Variants in ADD1 observed in about 807,000 individuals in gnomAD.
The protein encoded by ADD1 is alpha-adducin.
Under a neutral mutation model 80.5 loss-of-function variants are expected in ADD1, and 24 were observed. The observed-to-expected ratio is 0.30, with a 90% CI of 0.22 to 0.42. The LOEUF is 0.42. Among genes scored for constraint, ADD1 ranks in the 10% least tolerant of loss-of-function variants. ADD1 has a pLI of 1.00. For missense variants in ADD1, 948 were observed against 1,019.0 expected, an observed-to-expected ratio of 0.93 and a Z score of 0.95; for synonymous variants, 373 against 393.8, an observed-to-expected ratio of 0.95 and a Z score of 0.63.
chr4:2,914,335 G>C (rs191088897), intron 13 of ADD1, among the ~76,000 whole-genome samples: 165 of 152,282 alleles, frequency 1.1e-3, no homozygotes, highest in African/African-American at 3.7e-3. Context: ...GCTAAACACT[G>C]GTGTCTTGGG....
At position 2,926,329 on chromosome 4, in the gene ADD1, GCCT is replaced by G. The variant is rs1172123869; in HGVS notation, c.2047+219_2047+221del. 2 of 708,440 alleles carry G rather than the reference GCCT, an allele frequency of 2.8e-6. No individual in the cohort carries two copies. Among genetic ancestry groups the G allele is most frequent in the Middle Eastern group, 4.6e-4 (2 of 4,370 alleles). 43.9% of individuals were successfully genotyped at this position (708,440 alleles called of 1,614,324 possible). A position where few individuals can be genotyped will look rare whatever the true frequency, so the allele number is the denominator to read the frequency against. On this transcript the variant is annotated intron_variant, in intron 15 of 15. Transcript: ENST00000683351. The surrounding 1 kb of genome is among the most constrained non-coding windows in gnomAD (Gnocchi z 5.0). ...GAGCTGTGACCAGGTAGGAAGGCCGGCCTCGGGGGTCGGAACCCACCATGGTTG... is the reference window on the plus strand; with the variant it reads ...GAGCTGTGACCAGGTAGGAAGGCCGGCGGGGGTCGGAACCCACCATGGTTG...
intron 6 of ADD1, among the ~76,000 whole-genome samples, chr4:2,895,481 C>T (rs186534442): frequency 6.6e-6 from 1 of 151,988 alleles, no homozygotes; most frequent in Admixed American, 6.6e-5. Flanking sequence ...AACGTGAGGA[C>T]AGTCTGTGGG....
At chr4:2,897,355 A>G (rs1303836996) in intron 6 of ADD1, among the ~76,000 whole-genome samples, 2 of 150,870 alleles carry the variant, frequency 1.3e-5, no homozygotes, top group Admixed American at 6.6e-5. Context: ...TTGAGAGTCA[A>G]TTTTACTTAA....
At chr4:2,885,823 G>C (rs541513759) in intron 4 of ADD1, among the ~76,000 whole-genome samples, 3 of 152,020 alleles carry the variant, frequency 2.0e-5, no homozygotes, top group East Asian at 1.9e-4. Flanking sequence ...TGTTAGCCAG[G>C]ATGGTCTCGA....
rs569737530 is a variant in ADD1, at chr4:2,928,417, C to T, written c.2294C>T (p.Ala765Val). The change falls in exon 16 of 16, where the codon GCG becomes GTG. Residue 765 changes from alanine to valine, a missense_variant. Physicochemically the swap from Ala to Val is moderately conservative, Grantham distance 64 (BLOSUM62 0). Transcript: ENST00000683351. ...APSAVEEGAAADPGSDGSPGK... is the reference protein window; with the variant it reads ...APSAVEEGAAVDPGSDGSPGK... ...TCAGCTGTCGAGGAGGGGGCCGCCG[C>T]GGACCCTGGCAGCGATGGGTCTCCA... 9.7e-5 allele frequency: 157 copies of T among 1,613,324 alleles called. No individual in the cohort carries two copies. The highest frequency in any genetic ancestry group is 3.5e-4 in the Admixed American group (21 of 59,906).
Position 2,852,255 on chromosome 4 carries a change from T to TTC in ADD1, c.-21+8233_-21+8234dup, listed in dbSNP as rs1322157350. ...CCTTTCTTTCTTTCTTTCTCTTTCTTTCTTTCCTTCCTTCCTTCCTTCCTT... is the reference window on the plus strand; with the variant it reads ...CCTTTCTTTCTTTCTTTCTCTTTCTTTCTCTTTCCTTCCTTCCTTCCTTCCTT... On this transcript the variant is annotated intron_variant, in intron 1 of 15. Transcript: ENST00000683351. Among the ~76,000 whole-genome samples the TTC allele has an allele frequency of 8.1e-5, 12 of 148,730 alleles. 1 individual carries two copies. The highest frequency in any genetic ancestry group is 4.0e-4 in the Admixed American group (6 of 14,920).
chr4:2,879,029 A>G (rs149263733), intron 2 of ADD1, among the ~76,000 whole-genome samples: 2,353 of 152,218 alleles, frequency 0.015, 29 homozygotes, highest in Non-Finnish European at 0.024. Flanking sequence ...AGTGCTGACC[A>G]TGGACGTGGG....
chr4:2,849,960 T>A (rs1726813718), intron 1 of ADD1, among the ~76,000 whole-genome samples: 1 of 152,188 alleles, frequency 6.6e-6, no homozygotes, highest in African/African-American at 2.4e-5. Flanking sequence ...GAAAACACTT[T>A]GAGAATGCAA....
At chr4:2,888,744 A>T (rs1733817100) in intron 4 of ADD1, among the ~76,000 whole-genome samples, 1 of 152,128 alleles carries the variant, frequency 6.6e-6, no homozygotes, top group Admixed American at 6.6e-5. Context: ...AAGAGTCCTT[A>T]AGTATTCAGC....
Position 2,926,144 on chromosome 4 carries a change from G to GGGA in ADD1, c.2047+35_2047+37dup. 1 of 1,589,120 alleles carries GGGA rather than the reference G, an allele frequency of 6.3e-7. No individual in the cohort carries two copies. Among genetic ancestry groups the GGGA allele is most frequent in the Non-Finnish European group, 8.6e-7 (1 of 1,157,778 alleles). On this transcript the variant is annotated intron_variant, in intron 15 of 15. Coordinates refer to ENST00000683351, the MANE Select transcript of ADD1 (RefSeq NM_001354761.2). This position sits in a 1 kb window ranked among gnomAD's most constrained non-coding sequence, Gnocchi z 5.0. ...TCTGGGTGGCAGCGGCCGCCACTGT[G>GGGA]GGAGGGTGCACGGCTCGTGCGCGCT... is the stretch of plus-strand genomic sequence containing the variant.
At chr4:2,927,933 G>C (rs1227367374) in intron 15 of ADD1, among the ~76,000 whole-genome samples, 1 of 152,132 alleles carries the variant, frequency 6.6e-6, no homozygotes, top group African/African-American at 2.4e-5. Flanking sequence ...GTCTGGTGTT[G>C]TCAGCACACT....
chr4:2,858,187 A>G (rs1481985282), intron 1 of ADD1, among the ~76,000 whole-genome samples: 2 of 152,224 alleles, frequency 1.3e-5, no homozygotes, highest in Non-Finnish European at 2.9e-5. Context: ...ATTAGTGTCC[A>G]TTACAGAATG....
chr4:2,855,990 TTGG>T (rs1404410248), intron 1 of ADD1, among the ~76,000 whole-genome samples: 2 of 142,026 alleles, frequency 1.4e-5, no homozygotes, highest in East Asian at 4.8e-4. Context: ...TGCACCACCA[TTGG>T]GCATGGTGGT....
At chr4:2,896,793 C>T (rs927607635) in intron 6 of ADD1, among the ~76,000 whole-genome samples, 3 of 152,140 alleles carry the variant, frequency 2.0e-5, no homozygotes, top group Non-Finnish European at 4.4e-5. Flanking sequence ...GGATCTCACC[C>T]TGTCTCCCAG....
chr4:2,921,036 G>A (rs1739939367), intron 14 of ADD1, among the ~76,000 whole-genome samples: 1 of 152,182 alleles, frequency 6.6e-6, no homozygotes, highest in African/African-American at 2.4e-5. Context: ...GCCTGGTGGT[G>A]AGAAAATCTC....
intron 1 of ADD1, among the ~76,000 whole-genome samples, chr4:2,845,325 C>T (rs1008541454): frequency 1.3e-5 from 2 of 152,188 alleles, no homozygotes; most frequent in Non-Finnish European, 2.9e-5. Context: ...TCCGCCTAGG[C>T]CTCCAAAAGT....
rs759153331 is a variant in ADD1, at chr4:2,914,935, C to T, written c.1843C>T (p.His615Tyr). ...KAIIEKEYQP[H>Y]VIVSTTGPNP... ...CATCATTGAAAAGGAGTACCAGCCCCACGTCATTGTGAGCACCACGGGCCC... is the reference window on the plus strand; with the variant it reads ...CATCATTGAAAAGGAGTACCAGCCCTACGTCATTGTGAGCACCACGGGCCC... Residue 615 changes from histidine (H) to tyrosine (Y), a missense_variant, in exon 14 of 16, where the codon CAC becomes TAC. Physicochemically the swap from His to Tyr is moderately conservative, Grantham distance 83. Coordinates refer to ENST00000683351, the MANE Select transcript of ADD1 (RefSeq NM_001354761.2). 1 of 1,613,958 alleles carries T rather than the reference C, an allele frequency of 6.2e-7. No homozygotes were observed. The highest frequency in any genetic ancestry group is 8.5e-7 in the Non-Finnish European group (1 of 1,180,000).
chr4:2,852,018 T>C (rs1408352620), intron 1 of ADD1, among the ~76,000 whole-genome samples: 2 of 152,128 alleles, frequency 1.3e-5, no homozygotes, highest in Non-Finnish European at 2.9e-5. Flanking sequence ...TTTGTATTTT[T>C]AGTAGAGACG....
chr4:2,850,619 G>T (rs1007041302), intron 1 of ADD1, among the ~76,000 whole-genome samples: 1 of 152,218 alleles, frequency 6.6e-6, no homozygotes, highest in Non-Finnish European at 1.5e-5. Flanking sequence ...TAGAGATGGG[G>T]TTTCACCGTG....
Sources: allele counts gnomAD v4.1 joint callset (sites outside exome capture counted in the v4.1 genomes callset), GRCh38; gene constraint gnomAD v4.1.1; non-coding constraint Gnocchi (gnomAD v3.1); transcripts MANE v1.5; gene names NCBI Gene and HGNC (gene_info 2026-07-23, HGNC 2026-07-21).